Variants in SCRN1 observed in about 807,000 individuals in gnomAD.
SCRN1 encodes secernin-1.
A neutral mutation model predicts 43.3 loss-of-function variants in SCRN1; 19 were observed. That is an observed-to-expected ratio of 0.44 (90% confidence interval 0.31 to 0.64). The LOEUF (loss-of-function observed/expected upper bound fraction) is 0.64. Ranked by LOEUF, SCRN1 falls within the 30% of genes least tolerant of loss-of-function variation. The pLI is 0.09. For missense variants in SCRN1, 447 were observed against 524.1 expected, an observed-to-expected ratio of 0.85 and a Z score of 1.44; for synonymous variants, 183 against 188.9, an observed-to-expected ratio of 0.97 and a Z score of 0.26.
chr7:29,964,464 C>T (rs1162464070), intron 2 of SCRN1, among the ~76,000 whole-genome samples: 1 of 105,958 alleles, frequency 9.4e-6, no homozygotes, highest in Non-Finnish European at 1.7e-5. Flanking sequence ...TTACGAAAGG[C>T]AAAAGTATGG....
intron 7 of SCRN1, among the ~76,000 whole-genome samples, chr7:29,925,502 T>C (rs906331026): frequency 5.3e-5 from 8 of 152,202 alleles, no homozygotes; most frequent in African/African-American, 1.9e-4. Flanking sequence ...CTGATGAGTG[T>C]CTAACAAGCA....
chr7:29,986,729 T>A (rs1348873951), intron 1 of SCRN1, among the ~76,000 whole-genome samples: 1 of 142,000 alleles, frequency 7.0e-6, no homozygotes, highest in African/African-American at 2.6e-5. Context: ...TTTTTTTTTT[T>A]TTTTTTTTTT....
At chr7:29,954,118 A>G (rs1470545801) in intron 3 of SCRN1, among the ~76,000 whole-genome samples, 1 of 152,162 alleles carries the variant, frequency 6.6e-6, no homozygotes, top group Admixed American at 6.5e-5. Context: ...TTGATCACTC[A>G]TTACAGGCCA....
intron 1 of SCRN1, among the ~76,000 whole-genome samples, chr7:29,982,242 T>C (rs1480712051): frequency 6.6e-6 from 1 of 152,224 alleles, no homozygotes; most frequent in Non-Finnish European, 1.5e-5. Context: ...AAATTGTATG[T>C]TAGAACATTA....
At chr7:29,953,178 G>A (rs570615560) in intron 3 of SCRN1, among the ~76,000 whole-genome samples, 3 of 152,342 alleles carry the variant, frequency 2.0e-5, no homozygotes, top group South Asian at 4.1e-4. Flanking sequence ...TGCCATTCAC[G>A]TGGCATCAAA....
intron 3 of SCRN1, among the ~76,000 whole-genome samples, chr7:29,951,078 G>C (rs1787904062): frequency 6.6e-6 from 1 of 152,248 alleles, no homozygotes; most frequent in African/African-American, 2.4e-5. Context: ...GGGGAGTCCA[G>C]ACCTAGGGGC....
At chr7:29,947,883 T>C (rs894752816) in intron 3 of SCRN1, among the ~76,000 whole-genome samples, 2 of 152,186 alleles carry the variant, frequency 1.3e-5, no homozygotes, top group Non-Finnish European at 2.9e-5. Context: ...CATGTGAGGA[T>C]ACGGGGGAAG....
At chr7:29,942,133 T>G (rs977076016) in intron 4 of SCRN1, among the ~76,000 whole-genome samples, 7 of 152,252 alleles carry the variant, frequency 4.6e-5, no homozygotes, top group Non-Finnish European at 5.9e-5. Context: ...AAAACCAGTT[T>G]TGGCCTAAAC....
At position 29,936,690 on chromosome 7, in the gene SCRN1, G is replaced by A. The variant is rs775904347; in HGVS notation, c.771C>T (p.Thr257=). ...ACACTCCGCTGGCTTTGTCCCGTAAGGTGTTCATCATAGTCTGCACTGTGA... is the reference window on the plus strand; with the variant it reads ...ACACTCCGCTGGCTTTGTCCCGTAAAGTGTTCATCATAGTCTGCACTGTGA... The part of the protein sequence containing the change: ...ESITVQTMMN[T]LRDKASGVCI... Residue 257 remains threonine, a synonymous_variant, in exon 6 of 8, where the codon ACC becomes ACT. Transcript: ENST00000242059. 3.8e-6 allele frequency: 6 copies of A among 1,583,446 alleles called. No homozygotes were observed. The highest frequency in any genetic ancestry group is 1.7e-5 in the Admixed American group (1 of 59,188).
At chr7:29,975,442 C>A (rs1382948783) in intron 1 of SCRN1, among the ~76,000 whole-genome samples, 2 of 152,130 alleles carry the variant, frequency 1.3e-5, no homozygotes, top group African/African-American at 4.8e-5. Context: ...TGGGTGTATC[C>A]AAAACAGTGT....
At chr7:29,962,168 TA>T (rs1407514034) in intron 2 of SCRN1, among the ~76,000 whole-genome samples, 2 of 148,868 alleles carry the variant, frequency 1.3e-5, no homozygotes, top group African/African-American at 4.9e-5. Flanking sequence ...ACACTGTAAT[TA>T]TTAAATAATA....
intron 1 of SCRN1, among the ~76,000 whole-genome samples, chr7:29,978,524 C>T (rs943302147): frequency 6.6e-6 from 1 of 152,126 alleles, no homozygotes; most frequent in Admixed American, 6.5e-5. Flanking sequence ...TGTATAGGTA[C>T]AAGAGAATGA....
intron 3 of SCRN1, among the ~76,000 whole-genome samples, chr7:29,953,657 C>T (rs1788032071): frequency 6.6e-6 from 1 of 152,138 alleles, no homozygotes; most frequent in African/African-American, 2.4e-5. Flanking sequence ...AGGGAAGCTG[C>T]TCCTCCTGAG....
At chr7:29,949,010 C>A (rs1483191424) in intron 3 of SCRN1, among the ~76,000 whole-genome samples, 1 of 152,132 alleles carries the variant, frequency 6.6e-6, no homozygotes, top group Non-Finnish European at 1.5e-5. Context: ...GTCTGACAGA[C>A]CTTGGATTAT....
intron 3 of SCRN1, among the ~76,000 whole-genome samples, chr7:29,947,837 A>T (rs1254730985): frequency 6.6e-6 from 1 of 152,216 alleles, no homozygotes; most frequent in Non-Finnish European, 1.5e-5. Context: ...TTAAAAGAAG[A>T]GACACCAGAA....
At position 29,944,174 on chromosome 7, in the gene SCRN1, C is replaced by A. The variant is rs1787653748; in HGVS notation, c.347G>T (p.Gly116Val). Residue 116 changes from glycine (G) to valine (V), a missense_variant, in exon 4 of 8, where the codon GGT (glycine) becomes GTT (valine). Gly to Val is a moderately radical substitution (Grantham distance 109). Transcript: ENST00000242059. ...ALLGMDLVRL[G>V]LERGETAKEA... ...TTTAGCTGTTTCCCCTCTTTCTAAA[C>A]CAAGCCTGCAGGAAGGAAACCAGAA... is the stretch of plus-strand genomic sequence containing the variant. The A allele has an allele frequency of 6.2e-7, 1 of 1,614,178 alleles. No individual in the cohort carries two copies. The highest frequency in any genetic ancestry group is 8.5e-7 in the Non-Finnish European group (1 of 1,180,008).
chr7:29,974,921 A>G (rs1038284384), intron 1 of SCRN1, among the ~76,000 whole-genome samples: 8 of 152,076 alleles, frequency 5.3e-5, no homozygotes, highest in Non-Finnish European at 1.2e-4. Context: ...TGACATCGTG[A>G]TCCGTCTGCC....
In SCRN1 at chr7:29,951,622, G is replaced by A. The variant is rs564879996; in HGVS notation, c.341+3557C>T. 1.1e-4 allele frequency among the ~76,000 whole-genome samples: 17 copies of A among 152,284 alleles called. No individual in the cohort carries two copies. The South Asian group carries it at 1.9e-3, about 17-fold the overall frequency. On this transcript the variant is annotated intron_variant, in intron 3 of 7. Transcript: ENST00000242059. ...TCATGAAACATGCAAAAATGTGTAC[G>A]TGTCTTTATATGCCTCTTCCTCAGG...
intron 2 of SCRN1, among the ~76,000 whole-genome samples, chr7:29,962,262 T>A (rs977428795): frequency 7.4e-5 from 11 of 147,858 alleles, no homozygotes; most frequent in African/African-American, 2.7e-4. Context: ...ATTAGATAAT[T>A]GTTTATATAT....
Sources: allele counts gnomAD v4.1 joint callset (sites outside exome capture counted in the v4.1 genomes callset), GRCh38; gene constraint gnomAD v4.1.1; transcripts MANE v1.5; gene names NCBI Gene and HGNC (gene_info 2026-07-23, HGNC 2026-07-21).